The following LARP6 variants were observed in gnomAD, a reference collection of about 807,000 sequenced individuals.
The protein encoded by LARP6 is la-related protein 6.
In LARP6, 18 loss-of-function variants were observed where a neutral mutation model predicts 32.8. The observed-to-expected ratio is 0.55, with a 90% CI of 0.38 to 0.81. LARP6 has a LOEUF of 0.81. LARP6 is among the 40% of genes least tolerant of loss of function. The pLI, the probability that LARP6 is intolerant of heterozygous loss-of-function variation, is 0.00. For synonymous variants in LARP6, 289 were observed against 267.2 expected, an observed-to-expected ratio of 1.08 and a Z score of -0.80; for missense variants, 598 against 663.1, an observed-to-expected ratio of 0.90 and a Z score of 1.08.
In LARP6 at chr15:70,832,089, C is replaced by G; in HGVS notation, c.1439G>C (p.Gly480Ala). 2.6e-6 allele frequency: 4 copies of G among 1,548,838 alleles called. No homozygotes were observed. The highest frequency in any genetic ancestry group is 2.6e-6 in the Non-Finnish European group (3 of 1,149,476). The change falls in exon 3 of 3, where the codon GGA (glycine) becomes GCA (alanine). Residue 480 changes from glycine (G) to alanine (A), a missense_variant. Transcript: ENST00000299213. ...RLPRGPDNTR[G>A]FHGHERSRAC... Reference sequence around the variant, plus strand: ...CCTGCTCCTCTCATGGCCATGAAATCCTCTGGTGTTGTCAGGACCCCTGGG... The same window carrying G: ...CCTGCTCCTCTCATGGCCATGAAATGCTCTGGTGTTGTCAGGACCCCTGGG...
chr15:70,842,620 C>G (rs2032277753), intron 1 of LARP6, among the ~76,000 whole-genome samples: 1 of 152,296 alleles, frequency 6.6e-6, no homozygotes, highest in East Asian at 1.9e-4. Flanking sequence ...TGACCTCAGG[C>G]AGGACTGAAG....
chr15:70,847,331 A>G (rs1189734030), intron 1 of LARP6, among the ~76,000 whole-genome samples: 1 of 151,708 alleles, frequency 6.6e-6, no homozygotes, highest in Non-Finnish European at 1.5e-5. Flanking sequence ...AAAGGGGTAC[A>G]TTTTAAAACA....
At chr15:70,841,231 ATC>A (rs1324227575) in intron 1 of LARP6, among the ~76,000 whole-genome samples, 5 of 151,918 alleles carry the variant, frequency 3.3e-5, no homozygotes, top group Admixed American at 2.6e-4. Context: ...TAATTTCTCA[ATC>A]TCTCTAATGC....
chr15:70,832,820 C>T lies in LARP6; in HGVS notation c.708G>A (p.Gly236=), dbSNP rs1349218889. 1.2e-6 allele frequency: 2 copies of T among 1,613,048 alleles called. No individual in the cohort carries two copies. The highest frequency in any genetic ancestry group is 1.7e-6 in the Non-Finnish European group (2 of 1,179,630). The change falls in exon 3 of 3, where the codon GGG becomes GGA. Residue 236 remains glycine (G), a synonymous_variant. Transcript: ENST00000299213. ...VISSVRILKP[G]RELPPDIRRI... ...TCCGGATGTCAGGGGGCAGCTCTCTCCCAGGTTTGAGGATCCGCACTGATG... is the reference window on the plus strand; with the variant it reads ...TCCGGATGTCAGGGGGCAGCTCTCTTCCAGGTTTGAGGATCCGCACTGATG...
intron 1 of LARP6, among the ~76,000 whole-genome samples, chr15:70,846,381 G>A (rs543170454): frequency 2.2e-4 from 33 of 152,326 alleles, no homozygotes; most frequent in Non-Finnish European, 3.7e-4. Flanking sequence ...GGCCAAGGCC[G>A]GAGGGTCATT....
At chr15:70,845,556 G>C (rs2032330808) in intron 1 of LARP6, among the ~76,000 whole-genome samples, 1 of 152,184 alleles carries the variant, frequency 6.6e-6, no homozygotes, top group Non-Finnish European at 1.5e-5. Flanking sequence ...ACCTATCTGA[G>C]GTAGTGTTTG....
Position 70,832,702 on chromosome 15 carries a change from T to C in LARP6, c.826A>G (p.Met276Val), listed in dbSNP as rs1315178688. ...VEAAIKAHEFMITESQGKENM... is the reference protein window; with the variant it reads ...VEAAIKAHEFVITESQGKENM... ...TCTTTGCCCTGAGATTCTGTGATCA[T>C]GAACTCATGGGCTTTGATGGCTGCT... The change falls in exon 3 of 3, where the codon ATG (methionine) becomes GTG (valine). Residue 276 changes from methionine (M) to valine (V), a missense_variant. Coordinates refer to ENST00000299213, the MANE Select transcript of LARP6 (RefSeq NM_018357.4). 1 of 1,605,404 alleles carries C rather than the reference T, an allele frequency of 6.2e-7. No homozygotes were observed. The highest frequency in any genetic ancestry group is 8.5e-7 in the Non-Finnish European group (1 of 1,176,834).
At chr15:70,837,652 T>A (rs1003748279) in intron 1 of LARP6, among the ~76,000 whole-genome samples, 1 of 152,186 alleles carries the variant, frequency 6.6e-6, no homozygotes, top group Non-Finnish European at 1.5e-5. Flanking sequence ...TGTGGATACA[T>A]GACCACTGCC....
At chr15:70,833,176 G>T in intron 2 of LARP6, 60 bp from the exon 3 acceptor site, 2 of 1,381,132 alleles carry the variant, frequency 1.4e-6, no homozygotes, top group Non-Finnish European at 2.1e-6. Flanking sequence ...CCTTGTGTAT[G>T]CTATAAGCTC....
intron 1 of LARP6, chr15:70,849,824 C>T (rs190125077): frequency 6.6e-6 from 1 of 152,176 alleles, no homozygotes; most frequent in African/African-American, 2.4e-5. Flanking sequence ...ACTATTATAT[C>T]AAATTATCTC....
intron 1 of LARP6, among the ~76,000 whole-genome samples, chr15:70,839,904 A>C (rs531216665): frequency 6.6e-6 from 1 of 152,324 alleles, no homozygotes; most frequent in East Asian, 1.9e-4. Context: ...ACCATAAGGA[A>C]AAGGCCAAGA....
chr15:70,853,665 A>C (rs1476573510), intron 1 of LARP6: 1 of 333,856 alleles, frequency 3.0e-6, no homozygotes, highest in East Asian at 4.6e-5. Flanking sequence ...CCCGGCCGCC[A>C]GCCCTGGGAG....
In LARP6 at chr15:70,831,304, C is replaced by G. The variant is rs2032035950; in HGVS notation, c.*748G>C. Reference sequence around the variant, plus strand: ...AGCCCAAGGAGAGCCCTGGGGCTGCCCTGGGGTACAGTGAGAAACCCTAAA... The same window carrying G: ...AGCCCAAGGAGAGCCCTGGGGCTGCGCTGGGGTACAGTGAGAAACCCTAAA... On this transcript the variant is annotated 3_prime_UTR_variant, in exon 3 of 3. Coordinates refer to ENST00000299213, the MANE Select transcript of LARP6 (RefSeq NM_018357.4). 1 of 152,240 alleles carries G rather than the reference C, an allele frequency of 6.6e-6. No individual in the cohort carries two copies. Among genetic ancestry groups the G allele is most frequent in the African/African-American group, 2.4e-5 (1 of 41,438 alleles). 9.4% of individuals were successfully genotyped at this position (152,240 alleles called of 1,614,324 possible). A position where few individuals can be genotyped will look rare whatever the true frequency, so the allele number is the denominator to read the frequency against.
intron 1 of LARP6, chr15:70,851,430 T>C: frequency 3.2e-6 from 4 of 1,243,796 alleles, no homozygotes; most frequent in Non-Finnish European, 4.1e-6. Flanking sequence ...AATAACATTT[T>C]AGAGGCTGTA....
intron 2 of LARP6, among the ~76,000 whole-genome samples, chr15:70,834,009 G>C (rs1202406148): frequency 6.6e-6 from 1 of 152,200 alleles, no homozygotes; most frequent in Non-Finnish European, 1.5e-5. Flanking sequence ...AATGCCAGGG[G>C]GAATGAGTCA....
At chr15:70,848,742 A>T (rs78805400) in intron 1 of LARP6, 2 of 152,116 alleles carry the variant, frequency 1.3e-5, no homozygotes, top group Non-Finnish European at 2.9e-5. Context: ...AAAAAAAAAA[A>T]GTAGAGGCTT....
At chr15:70,839,104 G>C (rs1479948657) in intron 1 of LARP6, among the ~76,000 whole-genome samples, 1 of 152,128 alleles carries the variant, frequency 6.6e-6, no homozygotes, top group Non-Finnish European at 1.5e-5. Flanking sequence ...AGGCAGCCTG[G>C]AATGGCTTTT....
At chr15:70,837,079 TA>T (rs2032161579) in intron 1 of LARP6, among the ~76,000 whole-genome samples, 1 of 152,054 alleles carries the variant, frequency 6.6e-6, no homozygotes. Flanking sequence ...TGGAGGATCA[TA>T]AAAATAATAA....
chr15:70,850,297 C>T (rs1489675128), intron 1 of LARP6, among the ~76,000 whole-genome samples: 3 of 152,166 alleles, frequency 2.0e-5, no homozygotes, highest in African/African-American at 7.2e-5. Flanking sequence ...ACAACTAATA[C>T]CAATACTTCT....
Sources: allele counts gnomAD v4.1 joint callset (sites outside exome capture counted in the v4.1 genomes callset), GRCh38; gene constraint gnomAD v4.1.1; transcripts MANE v1.5; gene names NCBI Gene and HGNC (gene_info 2026-07-23, HGNC 2026-07-21).